Variants in REV3L observed in about 807,000 individuals in gnomAD.
The protein encoded by REV3L is DNA polymerase zeta catalytic subunit.
Under a neutral mutation model 299.4 loss-of-function variants are expected in REV3L, and 69 were observed. The ratio of observed to expected loss-of-function variants is 0.23; its 90% CI spans 0.19 to 0.28. REV3L has a LOEUF of 0.28. REV3L is among the 10% of genes least tolerant of loss of function. The pLI is 1.00. For missense variants in REV3L, 3,128 were observed against 3,693.8 expected, an observed-to-expected ratio of 0.85 and a Z score of 3.97; for synonymous variants, 1,238 against 1,271.4, an observed-to-expected ratio of 0.97 and a Z score of 0.56.
At chr6:111,371,175 T>C (rs1483395624) in intron 13 of REV3L, among the ~76,000 whole-genome samples, 1 of 152,134 alleles carries the variant, frequency 6.6e-6, no homozygotes, top group Non-Finnish European at 1.5e-5. Context: ...GTATATGAGA[T>C]CATGGACACA....
chr6:111,349,361 T>A, intron 19 of REV3L, 25 bp from the exon 20 acceptor site: 1 of 1,180,818 alleles, frequency 8.5e-7, no homozygotes, highest in Non-Finnish European at 1.2e-6. Context: ...ACAGACTGTA[T>A]CAGGGCTCAC....
intron 1 of REV3L, among the ~76,000 whole-genome samples, chr6:111,424,000 G>A (rs568944516): frequency 6.6e-6 from 1 of 152,210 alleles, no homozygotes; most frequent in African/African-American, 2.4e-5. Context: ...ATCTGAGCTA[G>A]AGAAGAAGAC....
rs902975675 is a variant in REV3L at position 111,483,020 on chromosome 6, G to C, written c.-132C>G. On this transcript the variant is annotated 5_prime_UTR_variant, in exon 1 of 32. Transcript: ENST00000368802. ...CACGGCCCCCTCCCCTCACACAGAG[G>C]CACCTCGAGGAGCGGCGGGCGGGGC... The C allele has an allele frequency of 8.9e-7, 1 of 1,125,374 alleles. No individual in the cohort carries two copies. Among genetic ancestry groups the C allele is most frequent in the African/African-American group, 1.6e-5 (1 of 60,862 alleles). The allele number at this position is 1,125,374 out of a possible 1,614,324, so 69.7% of individuals were successfully genotyped here. A position where few individuals can be genotyped will look rare whatever the true frequency, so the allele number is the denominator to read the frequency against.
chr6:111,433,229 A>T (rs1244912093), intron 1 of REV3L, among the ~76,000 whole-genome samples: 5 of 152,172 alleles, frequency 3.3e-5, no homozygotes, highest in African/African-American at 1.2e-4. Flanking sequence ...ACTAAAAACC[A>T]ATACAGAAGA....
At chr6:111,366,447 C>T (rs456871) in intron 14 of REV3L, among the ~76,000 whole-genome samples, 60,616 of 151,828 alleles carry the variant, frequency 0.4, 14,621 homozygotes, top group Non-Finnish European at 0.54. Context: ...TAAACTCCAA[C>T]ATTTAGATAA....
rs531848344 is a variant in REV3L at position 111,299,871 on chromosome 6, T to G, written c.*145A>C. The G allele has an allele frequency of 1.1e-3, 754 of 678,726 alleles. 2 individuals are homozygous for G. Among genetic ancestry groups the G allele is most frequent in the Admixed American group, 1.2e-3 (39 of 31,632 alleles). The allele number at this position is 678,726 out of a possible 1,614,324, so 42.0% of individuals were successfully genotyped here. The stretch of plus-strand genomic sequence containing the variant: ...TCAGAGATCAACAAGTACATTTTAA[T>G]TCGGTTAGCATAGAAGTCTTCATAG... On this transcript the variant is annotated 3_prime_UTR_variant, in exon 32 of 32. Transcript: ENST00000368802.
chr6:111,358,737 A>T, intron 17 of REV3L, 85 bp downstream of exon 17: 1 of 1,044,036 alleles, frequency 9.6e-7, no homozygotes, highest in Non-Finnish European at 1.4e-6. Context: ...ATGCTTGCTT[A>T]GATTAGATCT....
rs776772812 is a variant in REV3L, at chr6:111,374,848, G to A, written c.3507C>T (p.Arg1169=). 5.6e-6 allele frequency: 9 copies of A among 1,613,714 alleles called. No homozygotes were observed. The highest frequency in any genetic ancestry group is 5.9e-6 in the Non-Finnish European group (7 of 1,179,894). ...TVNSRIGKTS[R]ARAQIKKSKA... is the part of the protein sequence containing the mutation. Reference sequence around the variant, plus strand: ...TTGATTTCTTAATCTGTGCTCTTGCGCGACTAGTTTTTCCTATACGAGAAT... The same window carrying A: ...TTGATTTCTTAATCTGTGCTCTTGCACGACTAGTTTTTCCTATACGAGAAT... The change falls in exon 13 of 32, where the codon CGC becomes CGT. Residue 1169 remains arginine (R), a synonymous_variant. Coordinates refer to ENST00000368802, the MANE Select transcript of REV3L (RefSeq NM_001372078.1).
intron 26 of REV3L, among the ~76,000 whole-genome samples, chr6:111,319,369 G>C (rs1009906547): frequency 2.0e-5 from 3 of 152,098 alleles, no homozygotes; most frequent in African/African-American, 7.2e-5. Flanking sequence ...GCTGAGGCAG[G>C]AGAATGGCGT....
chr6:111,430,784 A>G (rs1786814105), intron 1 of REV3L: 2 of 1,607,744 alleles, frequency 1.2e-6, no homozygotes, highest in Non-Finnish European at 1.7e-6. Flanking sequence ...GCTTGACCGC[A>G]TCGTGAAGGA....
At chr6:111,311,334 A>G in intron 28 of REV3L, 75 bp from the exon 29 acceptor site, 1 of 1,112,296 alleles carries the variant, frequency 9.0e-7, no homozygotes, top group Non-Finnish European at 1.3e-6. Context: ...TACACTTTCA[A>G]TTATGTAACT....
At chr6:111,319,213 A>G (rs1264644004) in intron 26 of REV3L, among the ~76,000 whole-genome samples, 1 of 152,212 alleles carries the variant, frequency 6.6e-6, no homozygotes. Flanking sequence ...CTGTAATCCC[A>G]GCACTTTGGG....
intron 18 of REV3L, among the ~76,000 whole-genome samples, chr6:111,355,104 G>A (rs1376740672): frequency 2.6e-5 from 4 of 152,126 alleles, no homozygotes; most frequent in African/African-American, 9.7e-5. Flanking sequence ...AGAGGAAAAT[G>A]ATTGTGACAA....
intron 18 of REV3L, among the ~76,000 whole-genome samples, chr6:111,355,032 T>C (rs1777949056): frequency 6.6e-6 from 1 of 152,070 alleles, no homozygotes; most frequent in Non-Finnish European, 1.5e-5. Flanking sequence ...GGAAGAATCA[T>C]AGTTATATTT....
chr6:111,322,094 TG>T lies in REV3L; in HGVS notation c.8351+474del, dbSNP rs1774252352. Among the ~76,000 whole-genome samples, 2 of 152,208 alleles carry T rather than the reference TG, an allele frequency of 1.3e-5. 1 individual carries two copies. Among genetic ancestry groups the T allele is most frequent in the South Asian group, 4.1e-4 (2 of 4,832 alleles). On this transcript the variant is annotated intron_variant, in intron 26 of 31. Transcript: ENST00000368802. ...GACCCTCTGGAATCAAATGGAAAAC[TG>T]TATTTGCCTATATGCACTTCTCTTA...
At position 111,482,976 on chromosome 6, in the gene REV3L, C is replaced by T; in HGVS notation, c.-88G>A. On this transcript the variant is annotated 5_prime_UTR_variant, in exon 1 of 32. Coordinates refer to ENST00000368802, the MANE Select transcript of REV3L (RefSeq NM_001372078.1). The stretch of plus-strand genomic sequence containing the variant: ...GCGGCTCCCTCCGCAGCGGCGGCGG[C>T]GCCCCCTCCCCTTCTCGGCACGGCC... The T allele has an allele frequency of 7.2e-7, 1 of 1,389,958 alleles. No homozygotes were observed. Among genetic ancestry groups the T allele is most frequent in the Non-Finnish European group, 9.4e-7 (1 of 1,069,334 alleles). 86.1% of individuals were successfully genotyped at this position (1,389,958 alleles called of 1,614,324 possible).
Position 111,329,516 on chromosome 6 carries a change from G to T in REV3L, c.8241+16C>A, listed in dbSNP as rs1582540878. 1.2e-6 allele frequency: 2 copies of T among 1,612,208 alleles called. No homozygotes were observed. The highest frequency in any genetic ancestry group is 1.7e-6 in the Non-Finnish European group (2 of 1,178,398). The stretch of plus-strand genomic sequence containing the variant: ...TTTAGTCTCTTTTGAAAAAACTACA[G>T]ATTTGTATCACTTACCTCAATGCAT... On this transcript the variant is annotated intron_variant, in intron 25 of 31. Coordinates refer to ENST00000368802, the MANE Select transcript of REV3L (RefSeq NM_001372078.1).
chr6:111,319,024 A>G (rs181284189), intron 26 of REV3L, among the ~76,000 whole-genome samples: 15 of 152,274 alleles, frequency 9.9e-5, no homozygotes, highest in Admixed American at 3.3e-4. Flanking sequence ...AGGGTGATAA[A>G]AAGTGTTCTA....
intron 16 of REV3L, among the ~76,000 whole-genome samples, chr6:111,359,520 G>GAAA (rs371680267): frequency 0.034 from 3,523 of 102,554 alleles, 266 homozygotes; most frequent in East Asian, 0.09. Context: ...AGTTTTTCCT[G>GAAA]AAAAAAAAAA....
Sources: gnomAD v4.1 joint callset for allele counts (sites outside exome capture counted in the v4.1 genomes callset) on GRCh38, gnomAD v4.1.1 for gene constraint, MANE v1.5 for transcripts, NCBI Gene and HGNC (gene_info 2026-07-23, HGNC 2026-07-21) for gene names.